Variants in ITPRIP observed in about 807,000 individuals in gnomAD.
ITPRIP encodes inositol 1,4,5-trisphosphate receptor-interacting protein.
In ITPRIP, 32 loss-of-function variants were observed where a neutral mutation model predicts 35.8. That is an observed-to-expected ratio of 0.89 (90% CI 0.68 to 1.20). ITPRIP has a LOEUF of 1.20. Ranked by LOEUF, ITPRIP falls within the 50% of genes most tolerant of loss-of-function variation. The pLI is 0.00. For missense variants in ITPRIP, 653 were observed against 735.6 expected (o/e 0.89, Z 1.30); for synonymous variants, 358 against 324.0 (o/e 1.11, Z -1.13).
chr10:104,309,881 G>C lies in ITPRIP; in HGVS notation c.*4527C>G, dbSNP rs927849143. 1 of 152,088 alleles carries C rather than the reference G, an allele frequency of 6.6e-6. No homozygotes were observed. Among genetic ancestry groups the C allele is most frequent in the Non-Finnish European group, 1.5e-5 (1 of 68,008 alleles). 9.4% of individuals were successfully genotyped at this position (152,088 alleles called of 1,614,324 possible). A position where few individuals can be genotyped will look rare whatever the true frequency, so the allele number is the denominator to read the frequency against. On this transcript the variant is annotated 3_prime_UTR_variant, in exon 2 of 2. Transcript: ENST00000337478. ...AGTCTGTTACTTAATTTTCCTGTTAGTACTTGAATTTTAAAATTATGACTG... is the reference window on the plus strand; with the variant it reads ...AGTCTGTTACTTAATTTTCCTGTTACTACTTGAATTTTAAAATTATGACTG...
chr10:104,325,346 C>T (rs2013970704), intron 1 of ITPRIP, among the ~76,000 whole-genome samples: 1 of 152,216 alleles, frequency 6.6e-6, no homozygotes, highest in Admixed American at 6.5e-5. Context: ...ACTCCTACCC[C>T]ATCAGCAACT....
intron 1 of ITPRIP, among the ~76,000 whole-genome samples, chr10:104,335,601 T>G (rs1309848854): frequency 6.6e-6 from 1 of 152,230 alleles, no homozygotes; most frequent in East Asian, 1.9e-4. Context: ...CCGGCTTGCC[T>G]CTTTTCTTTC....
At chr10:104,331,508 C>A (rs977339570) in intron 1 of ITPRIP, among the ~76,000 whole-genome samples, 4 of 152,130 alleles carry the variant, frequency 2.6e-5, no homozygotes, top group African/African-American at 9.7e-5. Flanking sequence ...TGGGGGGACT[C>A]CTGCATCAGC....
intron 1 of ITPRIP, among the ~76,000 whole-genome samples, chr10:104,322,932 T>C (rs1303984121): frequency 6.6e-6 from 1 of 152,200 alleles, no homozygotes; most frequent in African/African-American, 2.4e-5. Context: ...CTGAACTCCT[T>C]CTGTATCCTG....
At chr10:104,337,146 T>C (rs2014253224) in intron 1 of ITPRIP, among the ~76,000 whole-genome samples, 1 of 152,206 alleles carries the variant, frequency 6.6e-6, no homozygotes, top group Non-Finnish European at 1.5e-5. Context: ...GTAATCCACT[T>C]TTCTGATACT....
chr10:104,316,371 A>T (rs1262045796), intron 1 of ITPRIP, among the ~76,000 whole-genome samples: 1 of 152,122 alleles, frequency 6.6e-6, no homozygotes, highest in Non-Finnish European at 1.5e-5. Flanking sequence ...ACCCACCTCC[A>T]AGCTCCTGGG....
intron 1 of ITPRIP, among the ~76,000 whole-genome samples, chr10:104,336,161 C>T (rs2014229795): frequency 6.6e-6 from 1 of 152,166 alleles, no homozygotes; most frequent in Non-Finnish European, 1.5e-5. Flanking sequence ...CAAGACAGAG[C>T]ACCTTATTCT....
rs1322826893 is a variant in ITPRIP at position 104,313,168 on chromosome 10, TA to T, written c.*1239del. ...CCTGCAGACTGGAGCTAGGTTTCCATAGTTCTTGCTTCCATGCACACCCTGC... is the reference window on the plus strand; with the variant it reads ...CCTGCAGACTGGAGCTAGGTTTCCATGTTCTTGCTTCCATGCACACCCTGC... On this transcript the variant is annotated 3_prime_UTR_variant, in exon 2 of 2. Transcript: ENST00000337478. 3 of 985,366 alleles carry T rather than the reference TA, an allele frequency of 3.0e-6. No individual in the cohort carries two copies. In the African/African-American group the frequency reaches 5.2e-5, roughly 17 times the overall value. The allele number at this position is 985,366 out of a possible 1,614,324, so 61.0% of individuals were successfully genotyped here.
chr10:104,332,545 C>T (rs1015629102), intron 1 of ITPRIP, among the ~76,000 whole-genome samples: 5 of 152,180 alleles, frequency 3.3e-5, no homozygotes, highest in African/African-American at 9.6e-5. Flanking sequence ...CCTTTCCTGC[C>T]TCTTTCGTCT....
At chr10:104,334,735 GC>G (rs2014207106) in intron 1 of ITPRIP, among the ~76,000 whole-genome samples, 1 of 152,128 alleles carries the variant, frequency 6.6e-6, no homozygotes, top group Admixed American at 6.5e-5. Context: ...GGTAGACAAA[GC>G]CCTGCACTAT....
chr10:104,317,575 C>G (rs2013724081), intron 1 of ITPRIP, among the ~76,000 whole-genome samples: 1 of 152,206 alleles, frequency 6.6e-6, no homozygotes, highest in African/African-American at 2.4e-5. Context: ...AACTACCCCC[C>G]TCCTTGCTTG....
intron 1 of ITPRIP, among the ~76,000 whole-genome samples, chr10:104,319,160 G>A (rs1249793154): frequency 6.6e-6 from 1 of 152,256 alleles, no homozygotes; most frequent in African/African-American, 2.4e-5. Flanking sequence ...GACTGTGGGT[G>A]GATCGCACAG....
At chr10:104,330,281 A>G (rs1452557001) in intron 1 of ITPRIP, among the ~76,000 whole-genome samples, 1 of 152,250 alleles carries the variant, frequency 6.6e-6, no homozygotes, top group East Asian at 1.9e-4. Flanking sequence ...AAAGCTCTGG[A>G]TAAAGTAACT....
chr10:104,328,848 C>G lies in ITPRIP; in HGVS notation c.-14+9398G>C, dbSNP rs2014089649. On this transcript the variant is annotated intron_variant, in intron 1 of 1. Coordinates refer to ENST00000337478, the MANE Select transcript of ITPRIP (RefSeq NM_001272013.2). The surrounding 1 kb of genome is among the most constrained non-coding windows in gnomAD (Gnocchi z 4.1). ...CTTGTTCCCCACCTCAGCCTCCCCA[C>G]CCCACTGGTCTCTTACCCACGTCCT... The G allele has an allele frequency of 6.6e-6, 1 of 152,256 alleles. No individual in the cohort carries two copies. The highest frequency in any genetic ancestry group is 6.5e-5 in the Admixed American group (1 of 15,268). The allele number at this position is 152,256 out of a possible 1,614,324, so 9.4% of individuals were successfully genotyped here.
chr10:104,316,148 A>AG, intron 1 of ITPRIP, 84 bp from the exon 2 acceptor site: 6 of 1,203,980 alleles, frequency 5.0e-6, no homozygotes, highest in Non-Finnish European at 6.8e-6. Flanking sequence ...TCAGCCCCTC[A>AG]GGGCTGGTTA....
At chr10:104,335,974 G>T (rs1424206353) in intron 1 of ITPRIP, among the ~76,000 whole-genome samples, 1 of 152,018 alleles carries the variant, frequency 6.6e-6, no homozygotes, top group East Asian at 1.9e-4. Context: ...CCTCAATAGT[G>T]GTTGTTTATC....
Position 104,315,776 on chromosome 10 carries a change from G to A in ITPRIP, c.276C>T (p.Leu92=). ...CGATCATCAGGAAGAGGATCATGCA[G>A]AGGGTGCTCCAGAGGTCCCAGGCCA... The part of the protein sequence containing the change: ...TRVAWDLWST[L]CMILFLMIEV... The change falls in exon 2 of 2, where the codon CTC becomes CTT. Residue 92 remains leucine, a synonymous_variant. Transcript: ENST00000337478. This position sits in a 1 kb window ranked among gnomAD's most constrained non-coding sequence, Gnocchi z 5.7. The A allele has an allele frequency of 6.2e-7, 1 of 1,614,018 alleles. No individual in the cohort carries two copies. The highest frequency in any genetic ancestry group is 8.5e-7 in the Non-Finnish European group (1 of 1,180,016).
chr10:104,325,477 C>A (rs1220784165), intron 1 of ITPRIP, among the ~76,000 whole-genome samples: 1 of 152,236 alleles, frequency 6.6e-6, no homozygotes, highest in Non-Finnish European at 1.5e-5. Context: ...CAGCCACATT[C>A]GGAATAATCC....
chr10:104,313,732 T>C lies in ITPRIP; in HGVS notation c.*676A>G. On this transcript the variant is annotated 3_prime_UTR_variant, in exon 2 of 2. Coordinates refer to ENST00000337478, the MANE Select transcript of ITPRIP (RefSeq NM_001272013.2). ...GTGTAGGGTGCAGCTGAGTGAGAAG[T>C]GTAGCTGAAAAAGTGGCTAATTGTG... 1.0e-6 allele frequency: 1 copy of C among 985,396 alleles called. No homozygotes were observed. The highest frequency in any genetic ancestry group is 1.2e-6 in the Non-Finnish European group (1 of 829,972). 61.0% of individuals were successfully genotyped at this position (985,396 alleles called of 1,614,324 possible). A position where few individuals can be genotyped will look rare whatever the true frequency, so the allele number is the denominator to read the frequency against.
Sources: gnomAD v4.1 joint callset for allele counts (sites outside exome capture counted in the v4.1 genomes callset) on GRCh38, gnomAD v4.1.1 for gene constraint, Gnocchi (gnomAD v3.1) non-coding constraint, MANE v1.5 for transcripts, NCBI Gene and HGNC (gene_info 2026-07-23, HGNC 2026-07-21) for gene names.